TMPRSS15: variants seen among roughly 807,000 people sequenced by gnomAD.
TMPRSS15 encodes the protein transmembrane serine protease 15, also known as enteropeptidase.
Under a neutral mutation model 125.3 loss-of-function variants are expected in TMPRSS15, and 128 were observed. The observed-to-expected ratio is 1.02, with a 90% CI of 0.89 to 1.18. The LOEUF is 1.18. Among genes scored for constraint, TMPRSS15 ranks in the 50% most tolerant of loss-of-function variants. TMPRSS15 has a pLI of 0.00. For synonymous variants in TMPRSS15, 446 were observed against 423.2 expected (o/e 1.05, Z -0.66); for missense variants, 1,283 against 1,212.7 (o/e 1.06, Z -0.86).
rs185445816 is a variant in TMPRSS15, at chr21:18,461,997, G to A, written c.10+23802C>T. On this transcript the variant is annotated intron_variant, in intron 1 of 7. Transcript: ENST00000422787. Reference sequence around the variant, plus strand: ...CATCACTTGTGAGACTAATTTTATTGTATTCTTCACGTGATGATGATTATG... The same window carrying A: ...CATCACTTGTGAGACTAATTTTATTATATTCTTCACGTGATGATGATTATG... Among the ~76,000 whole-genome samples the A allele has an allele frequency of 1.1e-3, 172 of 152,088 alleles. 1 individual carries two copies. The highest frequency in any genetic ancestry group is 3.8e-3 in the African/African-American group (156 of 41,524).
At chr21:18,369,247 T>C (rs2075768501) in intron 6 of TMPRSS15, among the ~76,000 whole-genome samples, 1 of 152,188 alleles carries the variant, frequency 6.6e-6, no homozygotes, top group Admixed American at 6.5e-5. Flanking sequence ...TATTCACTAA[T>C]TGTGTCTTTG....
rs1321004870 is a variant in TMPRSS15, at chr21:18,467,600, C to T, written c.10+18199G>A. ...TACCAGAGTTTAAAAAATTGTCTGACTTGGAAAAATGTTTTAGGGAAGAGA... is the reference window on the plus strand; with the variant it reads ...TACCAGAGTTTAAAAAATTGTCTGATTTGGAAAAATGTTTTAGGGAAGAGA... On this transcript the variant is annotated intron_variant, in intron 1 of 7. Coordinates refer to the TMPRSS15 transcript ENST00000422787. Among the ~76,000 whole-genome samples, 5 of 151,748 alleles carry T rather than the reference C, an allele frequency of 3.3e-5. No homozygotes were observed. In the East Asian group the frequency reaches 9.7e-4, roughly 30 times the overall value.
At chr21:18,328,518 T>C (rs545257273) in intron 15 of TMPRSS15, among the ~76,000 whole-genome samples, 1 of 152,284 alleles carries the variant, frequency 6.6e-6, no homozygotes, top group Non-Finnish European at 1.5e-5. Flanking sequence ...GTAGTGCTTG[T>C]GGTAGTCAAT....
At chr21:18,386,892 A>G (rs2075948911) in intron 3 of TMPRSS15, among the ~76,000 whole-genome samples, 1 of 152,228 alleles carries the variant, frequency 6.6e-6, no homozygotes, top group Non-Finnish European at 1.5e-5. Context: ...GGCAAAGAAA[A>G]TACAAATCTG....
intron 1 of TMPRSS15, among the ~76,000 whole-genome samples, chr21:18,468,002 GA>G (rs1290816364): frequency 1.3e-5 from 2 of 152,026 alleles, no homozygotes; most frequent in African/African-American, 4.8e-5. Flanking sequence ...TAAAGAGAAA[GA>G]GAACTTTTGA....
At chr21:18,408,307 A>C (rs993883651), upstream of TMPRSS15, among the ~76,000 whole-genome samples, 5 of 152,184 alleles carry the variant, frequency 3.3e-5, no homozygotes, top group African/African-American at 9.6e-5. Context: ...TGTTCAACAC[A>C]AGATGAGAAA....
rs540602278 is a variant in TMPRSS15, at chr21:18,476,407, G to A, written c.10+9392C>T. Among the ~76,000 whole-genome samples the A allele has an allele frequency of 2.6e-5, 4 of 152,192 alleles. No individual in the cohort carries two copies. The East Asian group carries it at 7.7e-4, about 29-fold the overall frequency. ...ATGTATTTCAAATCATTGTGCAAGAGAAATATTTCTTTAAAGGGAAAATGA... is the reference window on the plus strand; with the variant it reads ...ATGTATTTCAAATCATTGTGCAAGAAAAATATTTCTTTAAAGGGAAAATGA... On this transcript the variant is annotated intron_variant, in intron 1 of 7. Transcript: ENST00000422787.
chr21:18,445,935 A>T (rs112473329), intron 1 of TMPRSS15, among the ~76,000 whole-genome samples: 178 of 152,366 alleles, frequency 1.2e-3, no homozygotes, highest in African/African-American at 4.1e-3. Flanking sequence ...TGTATTCAAA[A>T]TAATACTGGA....
chr21:18,406,176 T>C (rs570977898), upstream of TMPRSS15, among the ~76,000 whole-genome samples: 208 of 152,262 alleles, frequency 1.4e-3, 3 homozygotes, highest in Non-Finnish European at 1.6e-3. Flanking sequence ...GTTACCATCA[T>C]AGGCATCTGG....
At chr21:18,303,105 GTTT>G (rs562892904) in intron 18 of TMPRSS15, among the ~76,000 whole-genome samples, 1 of 152,056 alleles carries the variant, frequency 6.6e-6, no homozygotes, top group African/African-American at 2.4e-5. Flanking sequence ...AAATTACATG[GTTT>G]TTTAATGTTT....
chr21:18,279,514 T>C (rs921514998), intron 22 of TMPRSS15, among the ~76,000 whole-genome samples: 1 of 150,424 alleles, frequency 6.6e-6, no homozygotes, highest in Non-Finnish European at 1.5e-5. Flanking sequence ...TTTTTTTTTT[T>C]TAGTAGAGAT....
rs542103117 is a variant in TMPRSS15 at position 18,435,231 on chromosome 21, A to G, written c.11-36902T>C. ...GCCAGTTTTCAAAGGGAATGCTTCC[A>G]GTTTTTGCCCATTCAGTATGATATT... On this transcript the variant is annotated intron_variant, in intron 1 of 7. Transcript: ENST00000422787. 3.3e-5 allele frequency among the ~76,000 whole-genome samples: 5 copies of G among 152,254 alleles called. No individual in the cohort carries two copies. The South Asian group carries it at 1.0e-3, about 32-fold the overall frequency.
intron 23 of TMPRSS15, among the ~76,000 whole-genome samples, chr21:18,277,707 C>G (rs1440361216): frequency 6.6e-6 from 1 of 152,170 alleles, no homozygotes; most frequent in East Asian, 1.9e-4. Flanking sequence ...GATTCTGAGA[C>G]CCTCTACCTT....
chr21:18,297,854 C>T (rs1382512106), intron 18 of TMPRSS15, 25 bp from the exon 19 acceptor site: 1 of 1,526,328 alleles, frequency 6.6e-7, no homozygotes, highest in Non-Finnish European at 9.1e-7. Context: ...AAAAAGCATA[C>T]AGACAAAACA....
At chr21:18,466,455 AC>A (rs1005934352) in intron 1 of TMPRSS15, among the ~76,000 whole-genome samples, 14 of 152,216 alleles carry the variant, frequency 9.2e-5, no homozygotes. Context: ...CAAAAAAAAA[AC>A]TACCGTCAGA....
chr21:18,383,515 A>G (rs1014412526), intron 4 of TMPRSS15, 112 bp downstream of exon 4: 2 of 1,259,628 alleles, frequency 1.6e-6, no homozygotes, highest in Non-Finnish European at 2.2e-6. Flanking sequence ...ACCTCAGGCA[A>G]TAAGACATGT....
At chr21:18,402,550 G>T (rs1345528444) in intron 1 of TMPRSS15, among the ~76,000 whole-genome samples, 3 of 139,770 alleles carry the variant, frequency 2.1e-5, no homozygotes, top group Admixed American at 7.2e-5. Flanking sequence ...AAAAAAGAGA[G>T]AATTTATATG....
intron 1 of TMPRSS15, among the ~76,000 whole-genome samples, chr21:18,423,410 T>A: frequency 2.3e-5 from 1 of 43,684 alleles, no homozygotes; most frequent in Admixed American, 2.2e-4. Flanking sequence ...AAATAAATTC[T>A]TTTTTTTTTT....
In TMPRSS15 at chr21:18,347,164, A is replaced by T. The variant is rs529275297; in HGVS notation, c.1172-3104T>A. Among the ~76,000 whole-genome samples, 5 of 151,734 alleles carry T rather than the reference A, an allele frequency of 3.3e-5. No individual in the cohort carries two copies. The East Asian group carries it at 9.8e-4, about 30-fold the overall frequency. ...TCCTTCAGAAAGCCTCCCAATTAAA[A>T]GTAACCACTTTTTCTTTTGAATTCT... On this transcript the variant is annotated intron_variant, in intron 10 of 24. Coordinates refer to ENST00000284885, the MANE Select transcript of TMPRSS15 (RefSeq NM_002772.3).
Sources: allele counts gnomAD v4.1 joint callset (sites outside exome capture counted in the v4.1 genomes callset), GRCh38; gene constraint gnomAD v4.1.1; transcripts MANE v1.5; gene names NCBI Gene and HGNC (gene_info 2026-07-23, HGNC 2026-07-21).